MAP6: variants seen among roughly 807,000 people sequenced by gnomAD.
MAP6 encodes the protein microtubule-associated protein 6.
In MAP6, 26 loss-of-function variants were observed where a neutral mutation model predicts 42.4. That is an observed-to-expected ratio of 0.61 (90% CI 0.45 to 0.85). MAP6 has a LOEUF of 0.85. Ranked by LOEUF, MAP6 falls within the 40% of genes least tolerant of loss-of-function variation. The pLI is 0.00. For synonymous variants in MAP6, 418 were observed against 443.8 expected (o/e 0.94, Z 0.73); for missense variants, 966 against 1,099.0 (o/e 0.88, Z 1.71).
intron 3 of MAP6, among the ~76,000 whole-genome samples, chr11:75,601,509 A>G (rs1209018820): frequency 1.3e-5 from 2 of 152,050 alleles, no homozygotes; most frequent in South Asian, 2.1e-4. Flanking sequence ...CCACCCTTGA[A>G]TGATTTCTAC....
chr11:75,634,918 C>G (rs1156624588), intron 1 of MAP6, among the ~76,000 whole-genome samples: 2 of 152,154 alleles, frequency 1.3e-5, no homozygotes, highest in African/African-American at 4.8e-5. Flanking sequence ...CACCAAATTA[C>G]TAATGAGGTA....
At chr11:75,651,417 T>C (rs1458683256) in intron 1 of MAP6, among the ~76,000 whole-genome samples, 1 of 152,184 alleles carries the variant, frequency 6.6e-6, no homozygotes, top group East Asian at 1.9e-4. Flanking sequence ...TGAGGCGTCA[T>C]AACAGTCCCT....
chr11:75,621,729 A>T (rs1002274805), intron 1 of MAP6, among the ~76,000 whole-genome samples: 5 of 152,176 alleles, frequency 3.3e-5, no homozygotes, highest in African/African-American at 1.2e-4. Context: ...CATATAACAT[A>T]ATCTTGCATT....
At chr11:75,631,808 G>A (rs940986765) in intron 1 of MAP6, among the ~76,000 whole-genome samples, 5 of 152,226 alleles carry the variant, frequency 3.3e-5, no homozygotes, top group Non-Finnish European at 7.3e-5. Flanking sequence ...TTCTGCTGTC[G>A]CAGGAGATAG....
intron 1 of MAP6, 103 bp from the exon 2 acceptor site, chr11:75,608,425 C>CA: frequency 7.0e-6 from 6 of 856,636 alleles, no homozygotes; most frequent in South Asian, 1.6e-5. Flanking sequence ...TCAGTGCTTG[C>CA]AGCATTGACT....
chr11:75,606,092 G>C, intron 2 of MAP6, 88 bp from the exon 3 acceptor site: 1 of 1,483,926 alleles, frequency 6.7e-7, no homozygotes. Context: ...GGTTAATTAA[G>C]GAATGACGGT....
At chr11:75,588,261 A>T in intron 3 of MAP6, 77 bp from the exon 4 acceptor site, 1 of 1,361,120 alleles carries the variant, frequency 7.3e-7, no homozygotes, top group Non-Finnish European at 9.9e-7. Flanking sequence ...TTGCCTAATA[A>T]GTCTTGGCCT....
chr11:75,589,661 TGGCACATA>T (rs1942441103), intron 3 of MAP6, among the ~76,000 whole-genome samples: 1 of 152,210 alleles, frequency 6.6e-6, no homozygotes, highest in Admixed American at 6.5e-5. Context: ...TTAGTGTGCC[TGGCACATA>T]GTAGGTGCTC....
At chr11:75,592,892 G>A (rs186314915) in intron 3 of MAP6, among the ~76,000 whole-genome samples, 51 of 152,132 alleles carry the variant, frequency 3.4e-4, no homozygotes, top group Admixed American at 6.5e-4. Flanking sequence ...CTGTTCCTTC[G>A]GCACGCCCTG....
intron 1 of MAP6, among the ~76,000 whole-genome samples, chr11:75,656,005 T>G (rs1476097856): frequency 6.6e-6 from 1 of 152,236 alleles, no homozygotes; most frequent in Admixed American, 6.5e-5. Context: ...GAGTAAACAC[T>G]CAGCAGATGA....
chr11:75,647,361 A>AC (rs1368635242), intron 1 of MAP6, among the ~76,000 whole-genome samples: 1 of 150,672 alleles, frequency 6.6e-6, no homozygotes, highest in Non-Finnish European at 1.5e-5. Flanking sequence ...AAAAAAAAAA[A>AC]AAAAAACCCA....
At chr11:75,653,424 A>G (rs192074312) in intron 1 of MAP6, among the ~76,000 whole-genome samples, 92 of 152,342 alleles carry the variant, frequency 6.0e-4, no homozygotes, top group Non-Finnish European at 1.0e-3. Flanking sequence ...CAATCCAAGA[A>G]GGAAAATTCG....
chr11:75,640,653 C>T (rs538624234), intron 1 of MAP6, among the ~76,000 whole-genome samples: 116 of 152,160 alleles, frequency 7.6e-4, no homozygotes, highest in Admixed American at 7.6e-3. Context: ...AACAAACAAC[C>T]ACATCAAAAA....
chr11:75,642,844 A>AACAAC (rs1943496413), intron 1 of MAP6: 1 of 478,344 alleles, frequency 2.1e-6, no homozygotes, highest in Admixed American at 2.0e-5. Context: ...TCTATAAAGG[A>AACAAC]ACAACACACC....
chr11:75,650,251 T>C (rs759377517), intron 1 of MAP6, among the ~76,000 whole-genome samples: 12 of 152,244 alleles, frequency 7.9e-5, no homozygotes, highest in South Asian at 4.1e-4. Context: ...AGGAGAGACT[T>C]GTCTAGGGTC....
chr11:75,600,277 C>CCAGG (rs2135579841), intron 3 of MAP6, among the ~76,000 whole-genome samples: 1 of 152,248 alleles, frequency 6.6e-6, no homozygotes, highest in South Asian at 2.1e-4. Context: ...CACTAATGCT[C>CCAGG]CAGGAGGTTA....
intron 1 of MAP6, chr11:75,638,693 T>C (rs1943412682): frequency 6.6e-6 from 1 of 152,216 alleles, no homozygotes; most frequent in African/African-American, 2.4e-5. Flanking sequence ...GGAACACTTA[T>C]ATATTGTTGC....
At chr11:75,607,369 T>A in intron 2 of MAP6, 1 of 985,426 alleles carries the variant, frequency 1.0e-6, no homozygotes, top group Non-Finnish European at 1.2e-6. Flanking sequence ...TACAATTCCA[T>A]GGGGCCTGAC....
At chr11:75,661,950 T>C (rs754490975) in intron 1 of MAP6, among the ~76,000 whole-genome samples, 1 of 151,998 alleles carries the variant, frequency 6.6e-6, no homozygotes, top group Non-Finnish European at 1.5e-5. Flanking sequence ...AATTAGAGAG[T>C]GTGATAAGTT....
Sources: gnomAD v4.1 joint callset for allele counts (sites outside exome capture counted in the v4.1 genomes callset) on GRCh38, gnomAD v4.1.1 for gene constraint, MANE v1.5 for transcripts, NCBI Gene and HGNC (gene_info 2026-07-23, HGNC 2026-07-21) for gene names.